Variants in KSR2 observed in about 807,000 individuals in gnomAD.
KSR2 encodes kinase suppressor of ras 2.
Under a neutral mutation model 107.8 loss-of-function variants are expected in KSR2, and 25 were observed. That is an observed-to-expected ratio of 0.23 (90% CI 0.17 to 0.32). The LOEUF (loss-of-function observed/expected upper bound fraction) is 0.32. Ranked by LOEUF, KSR2 falls within the 10% of genes least tolerant of loss-of-function variation. The pLI, the probability that KSR2 is intolerant of heterozygous loss-of-function variation, is 1.00. For synonymous variants in KSR2, 480 were observed against 507.0 expected, an observed-to-expected ratio of 0.95 and a Z score of 0.71; for missense variants, 887 against 1,268.9, an observed-to-expected ratio of 0.70 and a Z score of 4.57.
chr12:117,725,823 T>C (rs930788749), intron 4 of KSR2, among the ~76,000 whole-genome samples: 2 of 152,132 alleles, frequency 1.3e-5, no homozygotes, highest in African/African-American at 4.8e-5. Flanking sequence ...GGTGCACACC[T>C]GTAAGCCCCC....
chr12:117,845,300 C>T (rs1892660188), intron 3 of KSR2, among the ~76,000 whole-genome samples: 1 of 152,124 alleles, frequency 6.6e-6, no homozygotes, highest in African/African-American at 2.4e-5. Flanking sequence ...GCCATGGGTC[C>T]CCACAACCAC....
intron 5 of KSR2, among the ~76,000 whole-genome samples, chr12:117,656,123 T>C (rs67328803): frequency 0.094 from 14,240 of 152,282 alleles, 974 homozygotes; most frequent in East Asian, 0.3. Flanking sequence ...ATAACTGTCA[T>C]GAGTATTTCC....
intron 3 of KSR2, among the ~76,000 whole-genome samples, chr12:117,841,170 C>T (rs1892460786): frequency 6.6e-6 from 1 of 152,098 alleles, no homozygotes; most frequent in Admixed American, 6.6e-5. Context: ...GAGTGAAAAT[C>T]ATGACTATAA....
In KSR2 at chr12:117,924,468, A is replaced by C. The variant is rs572788628; in HGVS notation, c.180+43608T>G. On this transcript the variant is annotated intron_variant, in intron 1 of 19. Coordinates refer to ENST00000339824, the MANE Select transcript of KSR2 (RefSeq NM_173598.6). ...GCGCCTGTAATCCCAGCTACTCAGG[A>C]GGCTGAGGCAGGAGAATCACTTGAA... Among the ~76,000 whole-genome samples the C allele has an allele frequency of 7.6e-5, 11 of 145,624 alleles. No homozygotes were observed. The South Asian group carries it at 2.3e-3, about 31-fold the overall frequency.
chr12:117,540,982 C>G (rs942972158), intron 9 of KSR2, among the ~76,000 whole-genome samples: 3 of 152,282 alleles, frequency 2.0e-5, no homozygotes, highest in Non-Finnish European at 2.9e-5. Flanking sequence ...TTCTGTACAT[C>G]CTGGGCAAAA....
intron 9 of KSR2, among the ~76,000 whole-genome samples, chr12:117,548,300 C>G (rs796730830): frequency 4.0e-4 from 61 of 152,262 alleles, no homozygotes; most frequent in African/African-American, 1.4e-3. Flanking sequence ...CCACCTCTGC[C>G]ACTTCTGAGG....
chr12:117,698,703 C>T (rs1348634774), intron 4 of KSR2, among the ~76,000 whole-genome samples: 1 of 152,152 alleles, frequency 6.6e-6, no homozygotes, highest in Non-Finnish European at 1.5e-5. Context: ...ATCCAGAGCT[C>T]CAAACCCACT....
intron 3 of KSR2, among the ~76,000 whole-genome samples, chr12:117,844,988 T>C (rs1892644835): frequency 6.6e-6 from 1 of 151,854 alleles, no homozygotes; most frequent in African/African-American, 2.4e-5. Context: ...CTACTAAAAA[T>C]AGAAAAAATT....
At chr12:117,951,150 C>T (rs568825157) in intron 1 of KSR2, among the ~76,000 whole-genome samples, 18 of 152,136 alleles carry the variant, frequency 1.2e-4, no homozygotes, top group South Asian at 8.3e-4. Context: ...CCTCATGATC[C>T]GCCCACCTCG....
intron 4 of KSR2, among the ~76,000 whole-genome samples, chr12:117,747,723 G>A (rs1055320951): frequency 2.0e-5 from 3 of 152,008 alleles, no homozygotes; most frequent in African/African-American, 4.8e-5. Context: ...ATTAATCATC[G>A]AGGAATTGCA....
chr12:117,968,593 G>A lies in KSR2; in HGVS notation c.-338C>T. On this transcript the variant is annotated 5_prime_UTR_variant, in exon 1 of 20. Transcript: ENST00000339824. The stretch of plus-strand genomic sequence containing the variant: ...CTGTACACTTAGGGAGGAGGAGGAG[G>A]AGGAAAAAGAAGAGGAGAAGGAGGA... 1.7e-6 allele frequency: 1 copy of A among 600,104 alleles called. No individual in the cohort carries two copies. The highest frequency in any genetic ancestry group is 7.4e-5 in the South Asian group (1 of 13,454). The allele number at this position is 600,104 out of a possible 1,614,324, so 37.2% of individuals were successfully genotyped here.
chr12:117,498,761 C>G (rs1873192956), intron 14 of KSR2, among the ~76,000 whole-genome samples: 1 of 152,128 alleles, frequency 6.6e-6, no homozygotes, highest in Non-Finnish European at 1.5e-5. Context: ...CTCACAAGAT[C>G]CGATGGCTTT....
chr12:117,947,257 G>GAAAGAAAGAAAGAAAGAAAGA lies in KSR2; in HGVS notation c.180+20818_180+20819insTCTTTCTTTCTTTCTTTCTTT, dbSNP rs1555260494. On this transcript the variant is annotated intron_variant, in intron 1 of 19. Transcript: ENST00000339824. The stretch of plus-strand genomic sequence containing the variant: ...AGAAAGAAAGAAAGAAAGAAAGAAA[G>GAAAGAAAGAAAGAAAGAAAGA]AAGATAAACCACATGACCATACTAA... 1.0e-3 allele frequency among the ~76,000 whole-genome samples: 123 copies of GAAAGAAAGAAAGAAAGAAAGA among 118,876 alleles called. 1 individual carries two copies. The highest frequency in any genetic ancestry group is 2.3e-3 in the South Asian group (8 of 3,444). The allele number at this position is 118,876 out of a possible 152,430, so 78.0% of individuals were successfully genotyped here.
At chr12:117,904,148 A>G (rs187264947) in intron 1 of KSR2, among the ~76,000 whole-genome samples, 1 of 152,330 alleles carries the variant, frequency 6.6e-6, no homozygotes, top group East Asian at 1.9e-4. Flanking sequence ...TGTCAGGTAG[A>G]CGAACAAGAA....
chr12:117,812,838 T>A (rs1036707135), intron 3 of KSR2, among the ~76,000 whole-genome samples: 38 of 40,850 alleles, frequency 9.3e-4, no homozygotes, highest in African/African-American at 3.8e-3. Flanking sequence ...AGACCCCAAA[T>A]AGCCAAAAAA....
intron 5 of KSR2, among the ~76,000 whole-genome samples, chr12:117,611,037 C>T (rs186612384): frequency 5.6e-4 from 85 of 152,220 alleles, no homozygotes; most frequent in African/African-American, 1.6e-3. Context: ...GCATAGTTTA[C>T]GCTACTGTCT....
intron 1 of KSR2, among the ~76,000 whole-genome samples, chr12:117,953,075 G>C (rs1338586397): frequency 6.6e-6 from 1 of 151,724 alleles, no homozygotes; most frequent in Admixed American, 6.6e-5. Context: ...ATGGCCAATA[G>C]GCACATGAAA....
intron 1 of KSR2, among the ~76,000 whole-genome samples, chr12:117,861,011 G>A (rs559674525): frequency 4.6e-5 from 7 of 152,232 alleles, no homozygotes; most frequent in South Asian, 2.1e-4. Flanking sequence ...GAGCCACTGC[G>A]CCCGGCCTGC....
rs1346405336 is a variant in KSR2 at position 117,579,193 on chromosome 12, G to C, written c.1251C>G (p.Thr417=). The change falls in exon 7 of 20, where the codon ACC becomes ACG. Residue 417 remains threonine (T), a synonymous_variant. Transcript: ENST00000339824. ...TGCACGTCTGAGACATCCAGTACTTGGTGGAAAACCTGTGGAAAAGAGACA... is the reference window on the plus strand; with the variant it reads ...TGCACGTCTGAGACATCCAGTACTTCGTGGAAAACCTGTGGAAAAGAGACA... ...LGNSIKHRFS[T]KYWMSQTCTV... 6.2e-7 allele frequency: 1 copy of C among 1,613,072 alleles called. No homozygotes were observed. Among genetic ancestry groups the C allele is most frequent in the African/African-American group, 1.3e-5 (1 of 75,000 alleles).
Sources: allele counts gnomAD v4.1 joint callset (sites outside exome capture counted in the v4.1 genomes callset), GRCh38; gene constraint gnomAD v4.1.1; transcripts MANE v1.5; gene names NCBI Gene and HGNC (gene_info 2026-07-23, HGNC 2026-07-21).